The following CGNL1 variants were observed in gnomAD, a reference collection of about 807,000 sequenced individuals.
The protein encoded by CGNL1 is cingulin like 1.
Under a neutral mutation model 141.2 loss-of-function variants are expected in CGNL1, and 132 were observed. The ratio of observed to expected loss-of-function variants is 0.93; its 90% CI spans 0.81 to 1.08. The LOEUF (loss-of-function observed/expected upper bound fraction) is 1.08, where lower values mean the gene tolerates loss of function less well. CGNL1 is among the 50% of genes least tolerant of loss of function. CGNL1 has a pLI of 0.00. For synonymous variants in CGNL1, 690 were observed against 622.1 expected (o/e 1.11, Z -1.63); for missense variants, 1,870 against 1,588.6 (o/e 1.18, Z -3.01).
intron 8 of CGNL1, among the ~76,000 whole-genome samples, chr15:57,478,713 G>A (rs1039917969): frequency 2.6e-5 from 4 of 152,112 alleles, no homozygotes; most frequent in South Asian, 2.1e-4. Flanking sequence ...ATCATGGCTC[G>A]CTGCTGCCTC....
chr15:57,465,824 T>C (rs1304237756), intron 8 of CGNL1, among the ~76,000 whole-genome samples: 1 of 152,242 alleles, frequency 6.6e-6, no homozygotes, highest in Non-Finnish European at 1.5e-5. Flanking sequence ...ACCAGCACTT[T>C]ATCCTAGCTT....
At chr15:57,531,815 C>A in intron 14 of CGNL1, 36 bp downstream of exon 14, 4 of 1,350,438 alleles carry the variant, frequency 3.0e-6, no homozygotes, top group Non-Finnish European at 3.2e-6. Context: ...GTGGATTGTC[C>A]TGTGTGAAAA....
intron 16 of CGNL1, 128 bp downstream of exon 16, chr15:57,544,725 CCTTA>C: frequency 9.1e-7 from 1 of 1,104,566 alleles, no homozygotes. Flanking sequence ...GCAACTACAC[CCTTA>C]CTTTTATTAT....
intron 1 of CGNL1, among the ~76,000 whole-genome samples, chr15:57,436,113 T>C (rs1351813166): frequency 1.3e-5 from 2 of 152,130 alleles, no homozygotes; most frequent in African/African-American, 4.8e-5. Flanking sequence ...ATCTAGAAAA[T>C]AGTAATAGAA....
chr15:57,536,869 T>G (rs773605671), intron 14 of CGNL1, among the ~76,000 whole-genome samples: 22 of 152,328 alleles, frequency 1.4e-4, no homozygotes, highest in Admixed American at 7.8e-4. Flanking sequence ...CCATCGTCCC[T>G]GAATGAGACT....
At chr15:57,391,999 A>G (rs746881699) in intron 1 of CGNL1, among the ~76,000 whole-genome samples, 1 of 150,184 alleles carries the variant, frequency 6.7e-6, no homozygotes, top group Non-Finnish European at 1.5e-5. Context: ...ACACCATCAC[A>G]ATAAAAGTCT....
In CGNL1 at chr15:57,547,540, C is replaced by T. The variant is rs1233513048; in HGVS notation, c.*50C>T. 1 of 1,593,216 alleles carries T rather than the reference C, an allele frequency of 6.3e-7. No homozygotes were observed. The highest frequency in any genetic ancestry group is 1.3e-5 in the African/African-American group (1 of 74,304). ...CCTGTCATTCCTGCAGGAGCTGCAG[C>T]CACCCAAAGTGGGAGGCAGGGAGGG... On this transcript the variant is annotated 3_prime_UTR_variant, in exon 19 of 19. Transcript: ENST00000281282.
intron 1 of CGNL1, among the ~76,000 whole-genome samples, chr15:57,383,292 C>CTTTTTTTTTTTT (rs59213732): frequency 0.021 from 2,272 of 109,028 alleles, 130 homozygotes; most frequent in African/African-American, 0.077. Flanking sequence ...TTCTTTCTTC[C>CTTTTTTTTTTTT]TTTTTTTTTT....
chr15:57,514,739 A>C (rs1236059141), intron 8 of CGNL1, among the ~76,000 whole-genome samples: 1 of 152,146 alleles, frequency 6.6e-6, no homozygotes, highest in Admixed American at 6.5e-5. Context: ...TTTAGATCCT[A>C]CATTTGGGCC....
intron 8 of CGNL1, among the ~76,000 whole-genome samples, chr15:57,489,280 T>G (rs2063826150): frequency 6.6e-6 from 1 of 152,228 alleles, no homozygotes; most frequent in Non-Finnish European, 1.5e-5. Flanking sequence ...GTAGGAAAGA[T>G]GAGTTGTTGT....
intron 13 of CGNL1, among the ~76,000 whole-genome samples, chr15:57,530,762 C>T (rs1377469406): frequency 3.9e-5 from 6 of 152,196 alleles, no homozygotes; most frequent in African/African-American, 2.4e-5. Context: ...CAGTCACTCA[C>T]TCACAAGAAT....
chr15:57,445,639 G>A (rs1313162291), intron 4 of CGNL1, among the ~76,000 whole-genome samples: 1 of 152,200 alleles, frequency 6.6e-6, no homozygotes, highest in African/African-American at 2.4e-5. Flanking sequence ...TTGTGTGTTT[G>A]TGTTTCTAAT....
At chr15:57,467,552 G>T (rs772817711) in intron 8 of CGNL1, among the ~76,000 whole-genome samples, 1 of 152,066 alleles carries the variant, frequency 6.6e-6, no homozygotes, top group Non-Finnish European at 1.5e-5. Context: ...GATCCCAACT[G>T]AAACAAACTG....
intron 1 of CGNL1, among the ~76,000 whole-genome samples, chr15:57,409,522 T>C (rs189260475): frequency 1.7e-3 from 260 of 152,216 alleles, no homozygotes; most frequent in African/African-American, 6.0e-3. Flanking sequence ...AATAGAGATA[T>C]GCATATAGCT....
chr15:57,458,186 C>A (rs1366730820), intron 7 of CGNL1, among the ~76,000 whole-genome samples: 1 of 152,170 alleles, frequency 6.6e-6, no homozygotes, highest in Non-Finnish European at 1.5e-5. Flanking sequence ...TCGCCACTCC[C>A]AGACAGCCAG....
intron 1 of CGNL1, among the ~76,000 whole-genome samples, chr15:57,380,653 A>G (rs1286922036): frequency 6.6e-6 from 1 of 152,124 alleles, no homozygotes; most frequent in African/African-American, 2.4e-5. Flanking sequence ...CGACTCCAGG[A>G]GCGAGAAGGG....
rs369076482 is a variant in CGNL1, at chr15:57,516,844, G to C, written c.2468G>C (p.Arg823Pro). 1.2e-6 allele frequency: 2 copies of C among 1,614,042 alleles called. No homozygotes were observed. The highest frequency in any genetic ancestry group is 2.2e-5 in the East Asian group (1 of 44,884). The change falls in exon 9 of 19, where the codon CGC (arginine) becomes CCC (proline). Residue 823 changes from arginine (R) to proline (P), a missense_variant. Transcript: ENST00000281282. ...SEQDQAGTEMRVKLLQEENEK... is the reference protein window; with the variant it reads ...SEQDQAGTEMPVKLLQEENEK... The stretch of plus-strand genomic sequence containing the variant: ...CAAGACCAGGCGGGGACTGAAATGC[G>C]CGTGAAGCTTCTGCAGGAGGAGAAT...
At chr15:57,499,500 A>G (rs2922228) in intron 8 of CGNL1, among the ~76,000 whole-genome samples, 12,418 of 152,124 alleles carry the variant, frequency 0.082, 648 homozygotes, top group Non-Finnish European at 0.11. Context: ...GGCCTCCCAA[A>G]GTGCTGGGAT....
At chr15:57,525,260 G>A (rs187139249) in intron 12 of CGNL1, among the ~76,000 whole-genome samples, 6 of 152,324 alleles carry the variant, frequency 3.9e-5, no homozygotes, top group South Asian at 2.1e-4. Context: ...TAAAACATTC[G>A]TTTTATATTT....
Sources: allele counts gnomAD v4.1 joint callset (sites outside exome capture counted in the v4.1 genomes callset), GRCh38; gene constraint gnomAD v4.1.1; transcripts MANE v1.5; gene names NCBI Gene and HGNC (gene_info 2026-07-23, HGNC 2026-07-21).